Variants in CIT observed in about 807,000 individuals in gnomAD.
The protein encoded by CIT is citron rho-interacting serine/threonine kinase.
In CIT, 79 loss-of-function variants were observed where a neutral mutation model predicts 272.7. That is an observed-to-expected ratio of 0.29 (90% CI 0.24 to 0.35). The LOEUF (loss-of-function observed/expected upper bound fraction) is 0.35. Among genes scored for constraint, CIT ranks in the 10% least tolerant of loss-of-function variants. The pLI, the probability that CIT is intolerant of heterozygous loss-of-function variation, is 1.00. For synonymous variants in CIT, 948 were observed against 995.6 expected (o/e 0.95, Z 0.90); for missense variants, 1,909 against 2,618.3 (o/e 0.73, Z 5.91).
chr12:119,786,750 T>A (rs1964828643), intron 10 of CIT, among the ~76,000 whole-genome samples: 1 of 152,188 alleles, frequency 6.6e-6, no homozygotes, highest in Non-Finnish European at 1.5e-5. Flanking sequence ...GGCTTGATAG[T>A]GCTGACTTGC....
chr12:119,872,603 A>C (rs1950714095), intron 2 of CIT, among the ~76,000 whole-genome samples: 1 of 152,212 alleles, frequency 6.6e-6, no homozygotes, highest in Admixed American at 6.5e-5. Flanking sequence ...TTCCTGTTAT[A>C]ATGACTAAAT....
At chr12:119,830,311 G>A (rs954870114) in intron 7 of CIT, among the ~76,000 whole-genome samples, 2 of 151,348 alleles carry the variant, frequency 1.3e-5, no homozygotes, top group Non-Finnish European at 2.9e-5. Context: ...AAATAAACCT[G>A]GGAGGCTCCC....
intron 10 of CIT, among the ~76,000 whole-genome samples, chr12:119,786,462 T>C (rs1240713131): frequency 6.6e-6 from 1 of 152,170 alleles, no homozygotes; most frequent in Non-Finnish European, 1.5e-5. Context: ...GTACACTGGA[T>C]ATGAACACTG....
chr12:119,850,709 T>C (rs1283318222), intron 4 of CIT, among the ~76,000 whole-genome samples: 1 of 152,192 alleles, frequency 6.6e-6, no homozygotes, highest in East Asian at 1.9e-4. Flanking sequence ...CCTGAAGCCA[T>C]TCACTGGTGT....
chr12:119,776,411 G>A lies in CIT; in HGVS notation c.1837-3C>T. The A allele has an allele frequency of 1.2e-6, 2 of 1,612,526 alleles. No individual in the cohort carries two copies. Among genetic ancestry groups the A allele is most frequent in the Middle Eastern group, 1.7e-4 (1 of 6,060 alleles). ...TCAGGCTTCCCTTGATCCTTAGCCT[G>A]TAATTAAAAAGACACAACATATTGG... On this transcript the variant is annotated splice_region_variant and splice_polypyrimidine_tract_variant and intron_variant, in intron 14 of 47. Transcript: ENST00000392521.
At chr12:119,850,369 T>C (rs936436185) in intron 4 of CIT, 94 bp from the exon 5 acceptor site, 25 of 448,146 alleles carry the variant, frequency 5.6e-5, no homozygotes, top group African/African-American at 9.6e-5. Context: ...CTGATGTTTC[T>C]AGCTTTAAAA....
intron 22 of CIT, among the ~76,000 whole-genome samples, chr12:119,756,262 C>T (rs1012682034): frequency 2.0e-5 from 3 of 152,130 alleles, no homozygotes; most frequent in African/African-American, 7.2e-5. Context: ...GGACAAAACG[C>T]ACAAAGTAAC....
At chr12:119,702,026 C>G in intron 41 of CIT, 68 bp from the exon 42 acceptor site, 2 of 1,149,908 alleles carry the variant, frequency 1.7e-6, no homozygotes, top group Non-Finnish European at 2.6e-6. Flanking sequence ...CACAGCTGTT[C>G]TGCTTCTGCC....
At chr12:119,750,018 G>C (rs539766100) in intron 23 of CIT, among the ~76,000 whole-genome samples, 1 of 152,032 alleles carries the variant, frequency 6.6e-6, no homozygotes, top group Admixed American at 6.6e-5. Context: ...TGAAATAAAC[G>C]GATTTGAGGA....
chr12:119,862,808 TAAAAAAAAAAAAAAAAA>T (rs1157467178), intron 3 of CIT, among the ~76,000 whole-genome samples: 5 of 10,252 alleles, frequency 4.9e-4, no homozygotes, highest in African/African-American at 9.4e-4. Flanking sequence ...AGACTCTACC[TAAAAAAAAAAAAAAAAA>T]AAAAAAAAAA....
At chr12:119,825,725 T>C (rs759003977) in intron 7 of CIT, among the ~76,000 whole-genome samples, 74 of 152,174 alleles carry the variant, frequency 4.9e-4, no homozygotes, top group Non-Finnish European at 8.4e-4. Flanking sequence ...AGCAAAATGA[T>C]AATAAACTCT....
At position 119,857,695 on chromosome 12, in the gene CIT, G is replaced by C; in HGVS notation, c.242C>G (p.Ser81Cys). ...KHVSNFVRKY[S>C]DTIAELQELQ... ...CTCCTGTAACTCAGCTATGGTGTCGGAATCTGCAAAAGATGCAAGAGTTAG... is the reference window on the plus strand; with the variant it reads ...CTCCTGTAACTCAGCTATGGTGTCGCAATCTGCAAAAGATGCAAGAGTTAG... Residue 81 changes from serine to cysteine, a missense_variant, in exon 4 of 48, where the codon TCC becomes TGC. Coordinates refer to ENST00000392521, the MANE Select transcript of CIT (RefSeq NM_001206999.2). The C allele has an allele frequency of 6.2e-7, 1 of 1,612,854 alleles. No individual in the cohort carries two copies. The highest frequency in any genetic ancestry group is 8.5e-7 in the Non-Finnish European group (1 of 1,179,484).
At chr12:119,834,347 G>A in intron 5 of CIT, 119 bp from the exon 6 acceptor site, 1 of 881,610 alleles carries the variant, frequency 1.1e-6, no homozygotes, top group South Asian at 1.8e-5. Flanking sequence ...AAGCAAAGAA[G>A]ATGTGTAAGG....
intron 3 of CIT, among the ~76,000 whole-genome samples, chr12:119,859,559 G>A (rs144312420): frequency 6.6e-6 from 1 of 152,130 alleles, no homozygotes; most frequent in East Asian, 1.9e-4. Flanking sequence ...GCTCACGCCT[G>A]TAATCCCAGC....
At chr12:119,843,923 C>G (rs981091398) in intron 5 of CIT, among the ~76,000 whole-genome samples, 2 of 151,704 alleles carry the variant, frequency 1.3e-5, no homozygotes, top group Non-Finnish European at 2.9e-5. Context: ...CAGGACTGTA[C>G]GGTACCGATA....
chr12:119,758,768 G>A (rs1487375844), intron 20 of CIT, 68 bp from the exon 21 acceptor site: 3 of 1,047,324 alleles, frequency 2.9e-6, no homozygotes, highest in African/African-American at 1.6e-5. Context: ...TGCGGGCCAG[G>A]GTAAAAGTTT....
intron 46 of CIT, among the ~76,000 whole-genome samples, chr12:119,696,080 C>T (rs1956208648): frequency 6.6e-6 from 1 of 152,100 alleles, no homozygotes; most frequent in African/African-American, 2.4e-5. Context: ...AACGGAAACA[C>T]AAAAACTTCA....
rs778031829 is a variant in CIT at position 119,697,805 on chromosome 12, G to A, written c.5736C>T (p.Asn1912=). Residue 1912 remains asparagine (N), a synonymous_variant, in exon 46 of 48, where the codon AAC becomes AAT. Transcript: ENST00000392521. This position sits in a 1 kb window ranked among gnomAD's most constrained non-coding sequence, Gnocchi z 4.9. ...AAATGGCAGGGCCCAGGTAGCGCGG[G>A]TTCGGGATGTCCAGGTACGCTCGGG... ...TPARAYLDIP[N]PRYLGPAISS... 2 of 1,614,050 alleles carry A rather than the reference G, an allele frequency of 1.2e-6. No individual in the cohort carries two copies. The highest frequency in any genetic ancestry group is 1.7e-6 in the Non-Finnish European group (2 of 1,180,042).
chr12:119,714,076 T>C (rs1472500552), intron 33 of CIT, 121 bp downstream of exon 33: 1 of 1,163,542 alleles, frequency 8.6e-7, no homozygotes, highest in Non-Finnish European at 1.2e-6. Flanking sequence ...CCTACTGAAG[T>C]AAGAAGCTCG....
Sources: allele counts gnomAD v4.1 joint callset (sites outside exome capture counted in the v4.1 genomes callset), GRCh38; gene constraint gnomAD v4.1.1; non-coding constraint Gnocchi (gnomAD v3.1); transcripts MANE v1.5; gene names NCBI Gene and HGNC (gene_info 2026-07-23, HGNC 2026-07-21).